The following PFKFB3 variants were observed in gnomAD, a reference collection of about 807,000 sequenced individuals.
PFKFB3 encodes 6-phosphofructo-2-kinase/fructose-2,6-bisphosphatase 3.
In PFKFB3, 33 loss-of-function variants were observed where a neutral mutation model predicts 68.0. The ratio of observed to expected loss-of-function variants is 0.49; its 90% CI spans 0.37 to 0.65. The LOEUF (loss-of-function observed/expected upper bound fraction) is 0.65, where lower values mean the gene tolerates loss of function less well. PFKFB3 is among the 30% of genes least tolerant of loss of function. The pLI, the probability that PFKFB3 is intolerant of heterozygous loss-of-function variation, is 0.00. For synonymous variants in PFKFB3, 315 were observed against 288.2 expected, an observed-to-expected ratio of 1.09 and a Z score of -0.94; for missense variants, 586 against 712.2, an observed-to-expected ratio of 0.82 and a Z score of 2.02.
At chr10:6,253,738 G>A (rs1846433367) in intron 14 of PFKFB3, among the ~76,000 whole-genome samples, 1 of 152,070 alleles carries the variant, frequency 6.6e-6, no homozygotes, top group South Asian at 2.1e-4. Context: ...AGAAAGCATA[G>A]TCTTCAGGAA....
chr10:6,266,995 C>T, the PFKFB3 span, among the ~76,000 whole-genome samples: 1 of 152,186 alleles, frequency 6.6e-6, no homozygotes, highest in Non-Finnish European at 1.5e-5. Context: ...TTTAGAGGTG[C>T]TAAATTATAA....
chr10:6,184,241 C>T (rs1257556982), intron 1 of PFKFB3, among the ~76,000 whole-genome samples: 3 of 151,700 alleles, frequency 2.0e-5, no homozygotes, highest in Non-Finnish European at 4.4e-5. Flanking sequence ...TTAGTAGAGA[C>T]GGGGTTTCGC....
the PFKFB3 span, among the ~76,000 whole-genome samples, chr10:6,290,299 G>T: frequency 6.6e-6 from 1 of 151,704 alleles, no homozygotes; most frequent in Admixed American, 6.6e-5. Flanking sequence ...CAAAGAGAAT[G>T]CTTCCAGTTT....
Position 6,220,595 on chromosome 10 carries a change from G to T in PFKFB3, c.624-63G>T. 1 of 1,468,722 alleles carries T rather than the reference G, an allele frequency of 6.8e-7. No individual in the cohort carries two copies. The allele number at this position is 1,468,722 out of a possible 1,614,324, so 91.0% of individuals were successfully genotyped here. On this transcript the variant is annotated intron_variant, in intron 7 of 14. Transcript: ENST00000379775. This position sits in a 1 kb window ranked among gnomAD's most constrained non-coding sequence, Gnocchi z 4.1. ...CTGGGGATCACATCTTCGGAGACGG[G>T]CCAGGTGCATCCTGCTGTGGGTGGT... is the stretch of plus-strand genomic sequence containing the variant.
chr10:6,274,200 TA>T, the PFKFB3 span, among the ~76,000 whole-genome samples: 372 of 141,314 alleles, frequency 2.6e-3, 1 homozygote, highest in Admixed American at 5.9e-3. Flanking sequence ...ATCCTATCTC[TA>T]AAAAAAAAAA....
Position 6,175,762 on chromosome 10 carries a change from C to T in PFKFB3, c.16+30749C>T, listed in dbSNP as rs561111150. Among the ~76,000 whole-genome samples the T allele has an allele frequency of 4.6e-5, 7 of 152,350 alleles. No individual in the cohort carries two copies. In the East Asian group the frequency reaches 1.2e-3, roughly 25 times the overall value. ...TGGCCCGTAAGCATAGAAAGCACTT[C>T]AACCTCCCTAATTATTCAAGAGATG... On this transcript the variant is annotated intron_variant, in intron 1 of 14. Transcript: ENST00000379789.
chr10:6,150,598 C>T (rs906605208), intron 1 of PFKFB3, among the ~76,000 whole-genome samples: 4 of 152,038 alleles, frequency 2.6e-5, no homozygotes, highest in African/African-American at 9.7e-5. Context: ...GCACTCCAGC[C>T]GGGGCGACAG....
intron 1 of PFKFB3, among the ~76,000 whole-genome samples, chr10:6,148,802 G>C (rs562170032): frequency 9.1e-4 from 138 of 152,310 alleles, no homozygotes; most frequent in African/African-American, 3.0e-3. Flanking sequence ...AGATGGGCCA[G>C]TGTGGTGGCT....
intron 14 of PFKFB3, among the ~76,000 whole-genome samples, chr10:6,246,532 G>A (rs956965639): frequency 2.0e-5 from 3 of 151,532 alleles, no homozygotes; most frequent in African/African-American, 7.3e-5. Flanking sequence ...AGTAGAGATG[G>A]GGTTTTACTA....
intron 1 of PFKFB3, among the ~76,000 whole-genome samples, chr10:6,207,061 C>T (rs560334856): frequency 2.0e-5 from 3 of 152,082 alleles, no homozygotes; most frequent in Non-Finnish European, 4.4e-5. Flanking sequence ...GCTGCAATCT[C>T]GGCACTTTGG....
chr10:6,226,026 C>T (rs546601518), intron 13 of PFKFB3, among the ~76,000 whole-genome samples, 166 bp from the exon 14 acceptor site: 3 of 152,284 alleles, frequency 2.0e-5, no homozygotes, highest in African/African-American at 4.8e-5. Flanking sequence ...TGGCAGTCAC[C>T]GCACACTCAG....
chr10:6,207,299 G>A (rs1186919694), intron 1 of PFKFB3, among the ~76,000 whole-genome samples: 5 of 152,254 alleles, frequency 3.3e-5, no homozygotes, highest in African/African-American at 4.8e-5. Flanking sequence ...CCAGTCAGGC[G>A]TGGCGGCGCC....
intron 1 of PFKFB3, among the ~76,000 whole-genome samples, chr10:6,163,350 CT>C (rs979065191): frequency 6.6e-6 from 1 of 152,204 alleles, no homozygotes; most frequent in African/African-American, 2.4e-5. Flanking sequence ...GTGTATATTA[CT>C]TTTTTTAATA....
At chr10:6,216,285 C>A in intron 4 of PFKFB3, 94 bp downstream of exon 4, 1 of 1,226,460 alleles carries the variant, frequency 8.2e-7, no homozygotes. Flanking sequence ...TGCCTCTGGC[C>A]CTGAGGGTGG....
the PFKFB3 span, among the ~76,000 whole-genome samples, chr10:6,323,774 T>G: frequency 9.9e-5 from 15 of 152,272 alleles, no homozygotes; most frequent in Middle Eastern, 3.4e-3. Flanking sequence ...TTGGCCGAGA[T>G]GTAGAGAAAT....
chr10:6,278,644 G>T, the PFKFB3 span, among the ~76,000 whole-genome samples: 1 of 152,122 alleles, frequency 6.6e-6, no homozygotes, highest in Non-Finnish European at 1.5e-5. Flanking sequence ...GAGGTTATTT[G>T]GAATAAAATA....
At position 6,220,977 on chromosome 10, in the gene PFKFB3, G is replaced by A; in HGVS notation, c.831+112G>A. 1.0e-6 allele frequency: 1 copy of A among 997,310 alleles called. No homozygotes were observed. The highest frequency in any genetic ancestry group is 1.5e-6 in the Non-Finnish European group (1 of 645,480). The allele number at this position is 997,310 out of a possible 1,614,324, so 61.8% of individuals were successfully genotyped here. A position where few individuals can be genotyped will look rare whatever the true frequency, so the allele number is the denominator to read the frequency against. ...TGCTGCTGCTGCTGCTGCTTGGTGTGCTTGCTGTGTGTGTTATCTGTGTGT... is the reference window on the plus strand; with the variant it reads ...TGCTGCTGCTGCTGCTGCTTGGTGTACTTGCTGTGTGTGTTATCTGTGTGT... On this transcript the variant is annotated intron_variant, in intron 8 of 14. Transcript: ENST00000379775. The surrounding 1 kb of genome is among the most constrained non-coding windows in gnomAD (Gnocchi z 4.1).
intron 1 of PFKFB3, chr10:6,152,114 T>C (rs535954685): frequency 5.2e-5 from 8 of 154,774 alleles, no homozygotes; most frequent in African/African-American, 1.9e-4. Context: ...TTCCATTTCA[T>C]TAAGAAAGAT....
chr10:6,291,257 A>G, the PFKFB3 span, among the ~76,000 whole-genome samples: 1 of 152,210 alleles, frequency 6.6e-6, no homozygotes, highest in African/African-American at 2.4e-5. Flanking sequence ...ATGAAAAAAA[A>G]GAGGAGTCAA....
Sources: gnomAD v4.1 joint callset for allele counts (sites outside exome capture counted in the v4.1 genomes callset) on GRCh38, gnomAD v4.1.1 for gene constraint, Gnocchi (gnomAD v3.1) non-coding constraint, MANE v1.5 for transcripts, NCBI Gene and HGNC (gene_info 2026-07-23, HGNC 2026-07-21) for gene names.